ATP2B2: variants seen among roughly 807,000 people sequenced by gnomAD.
ATP2B2 encodes the protein ATPase plasma membrane Ca2+ transporting 2, also known as plasma membrane calcium-transporting ATPase 2.
Under a neutral mutation model 120.0 loss-of-function variants are expected in ATP2B2, and 15 were observed. That is an observed-to-expected ratio of 0.12 (90% CI 0.08 to 0.19). The LOEUF (loss-of-function observed/expected upper bound fraction) is 0.19, where lower values mean the gene tolerates loss of function less well. Ranked by LOEUF, ATP2B2 falls within the 10% of genes least tolerant of loss-of-function variation. ATP2B2 has a pLI of 1.00. For missense variants in ATP2B2, 1,045 were observed against 1,719.8 expected (o/e 0.61, Z 6.94); for synonymous variants, 694 against 700.3 (o/e 0.99, Z 0.14).
chr3:10,485,076 AG>A (rs2065586538), intron 1 of ATP2B2, among the ~76,000 whole-genome samples: 1 of 152,150 alleles, frequency 6.6e-6, no homozygotes, highest in African/African-American at 2.4e-5. Flanking sequence ...GCCTTCAGGA[AG>A]GGGTGTGAGA....
chr3:10,416,917 C>G (rs1407231113), intron 2 of ATP2B2, among the ~76,000 whole-genome samples: 1 of 149,674 alleles, frequency 6.7e-6, no homozygotes, highest in Non-Finnish European at 1.5e-5. Flanking sequence ...GGGCGGCAGC[C>G]GGGCAGAGGC....
intron 1 of ATP2B2, among the ~76,000 whole-genome samples, chr3:10,486,526 G>T (rs968639917): frequency 6.6e-6 from 1 of 151,964 alleles, no homozygotes; most frequent in Non-Finnish European, 1.5e-5. Context: ...CTTTAAACGT[G>T]CCCAGTATGT....
At chr3:10,505,178 G>T (rs1347116237) in intron 1 of ATP2B2, among the ~76,000 whole-genome samples, 1 of 152,104 alleles carries the variant, frequency 6.6e-6, no homozygotes, top group Non-Finnish European at 1.5e-5. Context: ...GCATCCGCTT[G>T]TCCGAGGCCC....
At chr3:10,662,006 TC>T (rs1337988278) in intron 1 of ATP2B2, among the ~76,000 whole-genome samples, 5 of 152,316 alleles carry the variant, frequency 3.3e-5, no homozygotes, top group East Asian at 3.9e-4. Context: ...GGAAAAGGAT[TC>T]CCTATTTAAT....
chr3:10,334,025 A>T (rs1344640828), intron 22 of ATP2B2, among the ~76,000 whole-genome samples: 2 of 152,240 alleles, frequency 1.3e-5, no homozygotes, highest in Admixed American at 1.3e-4. Context: ...GGCCCTATTG[A>T]ATGGCTTTGC....
At chr3:10,442,932 G>C (rs73117770) in intron 2 of ATP2B2, among the ~76,000 whole-genome samples, 1 of 152,148 alleles carries the variant, frequency 6.6e-6, no homozygotes. Flanking sequence ...AAGAAACTGA[G>C]GCACAGTTAG....
chr3:10,572,967 A>G (rs56942266), intron 2 of ATP2B2, among the ~76,000 whole-genome samples: 2,472 of 152,308 alleles, frequency 0.016, 70 homozygotes, highest in African/African-American at 0.056. Flanking sequence ...TCATCTAATC[A>G]CTAATGATGG....
chr3:10,453,356 AT>A (rs1227699197), intron 1 of ATP2B2, among the ~76,000 whole-genome samples: 1 of 152,238 alleles, frequency 6.6e-6, no homozygotes, highest in Non-Finnish European at 1.5e-5. Context: ...TATTGTGATT[AT>A]TATTGTCAAT....
upstream of ATP2B2, among the ~76,000 whole-genome samples, chr3:10,506,255 T>C (rs2066622631): frequency 6.6e-6 from 1 of 151,934 alleles, no homozygotes. Flanking sequence ...CGACCCGCCC[T>C]GCCTGTGTGC....
At chr3:10,391,348 A>G (rs551446295) in intron 5 of ATP2B2, among the ~76,000 whole-genome samples, 11 of 152,302 alleles carry the variant, frequency 7.2e-5, no homozygotes, top group African/African-American at 2.6e-4. Context: ...TTCTGGTCTG[A>G]GACACATTCT....
chr3:10,498,510 C>T (rs906587471), intron 1 of ATP2B2, among the ~76,000 whole-genome samples: 1 of 152,260 alleles, frequency 6.6e-6, no homozygotes, highest in African/African-American at 2.4e-5. Flanking sequence ...CCGCCCACTG[C>T]CTCCACAGCT....
At chr3:10,644,653 A>G (rs1030117389) in intron 1 of ATP2B2, among the ~76,000 whole-genome samples, 2 of 152,380 alleles carry the variant, frequency 1.3e-5, no homozygotes, top group South Asian at 2.1e-4. Flanking sequence ...AAAAGGCTGC[A>G]TATTCCATGA....
At chr3:10,592,068 A>G (rs1315414675) in intron 2 of ATP2B2, among the ~76,000 whole-genome samples, 1 of 152,216 alleles carries the variant, frequency 6.6e-6, no homozygotes, top group Non-Finnish European at 1.5e-5. Context: ...GGGCTCAACC[A>G]TGTGGAAGGT....
intron 2 of ATP2B2, among the ~76,000 whole-genome samples, chr3:10,542,269 G>A (rs922499628): frequency 6.6e-6 from 1 of 152,032 alleles, no homozygotes; most frequent in African/African-American, 2.4e-5. Context: ...ATATATTAAG[G>A]TTTAAGTCTG....
chr3:10,588,713 G>C (rs1046077168), intron 2 of ATP2B2, among the ~76,000 whole-genome samples: 2 of 152,146 alleles, frequency 1.3e-5, no homozygotes, highest in African/African-American at 4.8e-5. Flanking sequence ...CTGAGTGATT[G>C]ACGGGCACTA....
intron 2 of ATP2B2, among the ~76,000 whole-genome samples, chr3:10,591,355 C>T (rs1048559017): frequency 6.6e-6 from 1 of 152,164 alleles, no homozygotes; most frequent in Non-Finnish European, 1.5e-5. Flanking sequence ...CAACCCCATG[C>T]TCAAAACTCT....
chr3:10,374,290 G>T (rs538629028), intron 11 of ATP2B2, among the ~76,000 whole-genome samples: 1 of 152,210 alleles, frequency 6.6e-6, no homozygotes, highest in South Asian at 2.1e-4. Context: ...TCTTGTTGTG[G>T]CCTGTTTGGG....
chr3:10,408,681 G>A (rs1457882514), intron 3 of ATP2B2, among the ~76,000 whole-genome samples: 1 of 152,146 alleles, frequency 6.6e-6, no homozygotes, highest in Non-Finnish European at 1.5e-5. Context: ...CCCTCTCTGG[G>A]CCTTGGTTTC....
intron 2 of ATP2B2, among the ~76,000 whole-genome samples, chr3:10,538,576 G>T (rs1041734766): frequency 6.6e-6 from 1 of 152,058 alleles, no homozygotes; most frequent in Non-Finnish European, 1.5e-5. Context: ...TTCAACATAC[G>T]CAAATCAATA....
Sources: allele counts gnomAD v4.1 joint callset (sites outside exome capture counted in the v4.1 genomes callset), GRCh38; gene constraint gnomAD v4.1.1; transcripts MANE v1.5; gene names NCBI Gene and HGNC (gene_info 2026-07-23, HGNC 2026-07-21).